Variants in TENM3 observed in about 807,000 individuals in gnomAD.
TENM3 encodes teneurin transmembrane protein 3, also known as teneurin-3.
A neutral mutation model predicts 255.1 loss-of-function variants in TENM3; 63 were observed. That is an observed-to-expected ratio of 0.25 (90% CI 0.20 to 0.30). The LOEUF (loss-of-function observed/expected upper bound fraction) is 0.30, where lower values mean the gene tolerates loss of function less well. Among genes scored for constraint, TENM3 ranks in the 10% least tolerant of loss-of-function variants. TENM3 has a pLI of 1.00. For synonymous variants in TENM3, 1,306 were observed against 1,322.3 expected (o/e 0.99, Z 0.27); for missense variants, 2,929 against 3,461.1 (o/e 0.85, Z 3.86).
chr4:181,883,373 A>G, the TENM3 span, among the ~76,000 whole-genome samples: 2 of 152,174 alleles, frequency 1.3e-5, no homozygotes, highest in African/African-American at 4.8e-5. Flanking sequence ...TAATGAGTAT[A>G]CCCATAATAC....
intron 1 of TENM3, among the ~76,000 whole-genome samples, chr4:182,176,092 C>T (rs928773004): frequency 2.6e-5 from 4 of 152,124 alleles, no homozygotes; most frequent in Non-Finnish European, 4.4e-5. Context: ...GTCTTGTGGA[C>T]AGGATAAATA....
At chr4:182,472,642 T>C (rs1463811657) in intron 3 of TENM3, among the ~76,000 whole-genome samples, 2 of 152,208 alleles carry the variant, frequency 1.3e-5, no homozygotes, top group African/African-American at 4.8e-5. Context: ...GTCAAATACT[T>C]TTCATCACAA....
At chr4:182,227,148 T>C (rs1756212875) in intron 1 of TENM3, among the ~76,000 whole-genome samples, 1 of 152,190 alleles carries the variant, frequency 6.6e-6, no homozygotes, top group African/African-American at 2.4e-5. Flanking sequence ...CAAGGCACAA[T>C]GGCTTTTTCT....
intron 3 of TENM3, among the ~76,000 whole-genome samples, chr4:182,486,193 T>C (rs114511471): frequency 0.01 from 1,594 of 152,130 alleles, 26 homozygotes; most frequent in African/African-American, 0.037. Context: ...GGAAAGCCAC[T>C]GGAAGATTTT....
chr4:181,520,709 G>A, the TENM3 span, among the ~76,000 whole-genome samples: 14 of 152,204 alleles, frequency 9.2e-5, no homozygotes, highest in East Asian at 2.7e-3. Flanking sequence ...TTGAACAGAT[G>A]GAGCTTTCTC....
chr4:181,606,407 A>T, the TENM3 span, among the ~76,000 whole-genome samples: 1 of 152,098 alleles, frequency 6.6e-6, no homozygotes, highest in Non-Finnish European at 1.5e-5. Flanking sequence ...GGACCTCTGC[A>T]GGTGTTCTTC....
At chr4:181,984,755 G>A in the TENM3 span, among the ~76,000 whole-genome samples, 27 of 150,188 alleles carry the variant, frequency 1.8e-4, no homozygotes, top group East Asian at 2.0e-4. Flanking sequence ...AAATCTCATC[G>A]GCTTTTTATG....
At chr4:181,720,547 T>C in the TENM3 span, among the ~76,000 whole-genome samples, 4 of 152,360 alleles carry the variant, frequency 2.6e-5, no homozygotes, top group African/African-American at 9.6e-5. Flanking sequence ...ATTGACAAGC[T>C]GTATTTTAAA....
chr4:182,040,935 G>A, the TENM3 span, among the ~76,000 whole-genome samples: 1 of 152,130 alleles, frequency 6.6e-6, no homozygotes, highest in Non-Finnish European at 1.5e-5. Context: ...TACTCCAAAA[G>A]GCTGAATTGC....
intron 3 of TENM3, among the ~76,000 whole-genome samples, chr4:182,387,024 A>G (rs2150956232): frequency 6.6e-6 from 1 of 152,324 alleles, no homozygotes; most frequent in East Asian, 1.9e-4. Flanking sequence ...TGAGTCTGGT[A>G]GGGACGTGGA....
At chr4:182,066,603 T>G in the TENM3 span, among the ~76,000 whole-genome samples, 1 of 85,462 alleles carries the variant, frequency 1.2e-5, no homozygotes, top group Non-Finnish European at 2.9e-5. Flanking sequence ...AAAAAAAATA[T>G]ATATATATAT....
At chr4:181,591,799 T>C in the TENM3 span, among the ~76,000 whole-genome samples, 1 of 152,186 alleles carries the variant, frequency 6.6e-6, no homozygotes, top group Non-Finnish European at 1.5e-5. Flanking sequence ...TACTCCTGTC[T>C]GTGGAAAAAT....
At chr4:182,404,207 T>C (rs1438047585) in intron 3 of TENM3, among the ~76,000 whole-genome samples, 2 of 152,154 alleles carry the variant, frequency 1.3e-5, no homozygotes, top group Non-Finnish European at 2.9e-5. Flanking sequence ...TCCAGTGCAG[T>C]AGGGTGTCAG....
At chr4:182,748,854 C>T (rs903998524) in intron 19 of TENM3, among the ~76,000 whole-genome samples, 2 of 152,226 alleles carry the variant, frequency 1.3e-5, no homozygotes, top group African/African-American at 4.8e-5. Flanking sequence ...TCCAAAAGTA[C>T]AGCTTTCATT....
chr4:182,574,617 C>G (rs969558816), intron 3 of TENM3, among the ~76,000 whole-genome samples: 5 of 152,114 alleles, frequency 3.3e-5, no homozygotes, highest in African/African-American at 7.2e-5. Context: ...TTCTGACAGT[C>G]ATTTCAAGTG....
At chr4:181,506,594 GC>G in the TENM3 span, among the ~76,000 whole-genome samples, 2 of 151,670 alleles carry the variant, frequency 1.3e-5, no homozygotes, top group African/African-American at 4.8e-5. Flanking sequence ...TTCTGATACA[GC>G]GGCCAGAAAT....
intron 3 of TENM3, among the ~76,000 whole-genome samples, chr4:182,394,504 C>G (rs1240153630): frequency 6.6e-6 from 1 of 152,084 alleles, no homozygotes. Context: ...TGGAACTTAT[C>G]CTCTTAATAA....
At chr4:182,777,564 T>C (rs1764790180) in intron 24 of TENM3, among the ~76,000 whole-genome samples, 2 of 127,248 alleles carry the variant, frequency 1.6e-5, no homozygotes, top group Non-Finnish European at 1.6e-5. Context: ...TTTTTTTTTT[T>C]TTTTTTTTTT....
Position 182,793,335 on chromosome 4 carries a change from T to C in TENM3, c.6663T>C (p.Ser2221=). The C allele has an allele frequency of 1.9e-6, 3 of 1,613,750 alleles. No individual in the cohort carries two copies. Among genetic ancestry groups the C allele is most frequent in the Non-Finnish European group, 2.5e-6 (3 of 1,179,708 alleles). ...TAACTCGAGTTTACAGTAAAGGCAG[T>C]GGCTGGACAGTGATCTACCGTTATG... ...GLLTRVYSKG[S]GWTVIYRYDG... The change falls in exon 26 of 28, where the codon AGT becomes AGC. Residue 2221 remains serine, a synonymous_variant. Transcript: ENST00000511685. The surrounding 1 kb of genome is among the most constrained non-coding windows in gnomAD (Gnocchi z 5.7).
Sources: gnomAD v4.1 joint callset for allele counts (sites outside exome capture counted in the v4.1 genomes callset) on GRCh38, gnomAD v4.1.1 for gene constraint, Gnocchi (gnomAD v3.1) non-coding constraint, MANE v1.5 for transcripts, NCBI Gene and HGNC (gene_info 2026-07-23, HGNC 2026-07-21) for gene names.